The following RTL4 variants were observed in gnomAD, a reference collection of about 807,000 sequenced individuals.
RTL4 encodes retrotransposon Gag like 4, also known as retrotransposon Gag-like protein 4.
In RTL4, 4 loss-of-function variants were observed where a neutral mutation model predicts 5.3. The ratio of observed to expected loss-of-function variants is 0.75; its 90% confidence interval spans 0.37 to 1.72. The LOEUF is 1.72. Among genes scored for constraint, RTL4 ranks in the 40% most tolerant of loss-of-function variants. RTL4 has a pLI of 0.04. For synonymous variants in RTL4, 98 were observed against 87.3 expected (o/e 1.12, Z -0.68); for missense variants, 260 against 227.1 (o/e 1.14, Z -0.93).
chrX:112,365,915 G>A, the RTL4 span, among the ~76,000 whole-genome samples: 1 of 111,422 alleles, frequency 9.0e-6, no homozygotes, highest in African/African-American at 3.3e-5. Context: ...ATGCTTCTGG[G>A]TGGGCTTCTC....
chrX:112,107,583 G>C, the RTL4 span, among the ~76,000 whole-genome samples: 6 of 111,897 alleles, frequency 5.4e-5, no homozygotes, highest in Non-Finnish European at 1.1e-4. Context: ...GCTGGGAACA[G>C]TATTTTTGGT....
At chrX:112,422,289 T>C in the RTL4 span, among the ~76,000 whole-genome samples, 1 of 111,567 alleles carries the variant, frequency 9.0e-6, no homozygotes, top group Non-Finnish European at 1.9e-5. Context: ...TTCTAGGTAC[T>C]CTCTTATTTA....
the RTL4 span, among the ~76,000 whole-genome samples, chrX:112,445,271 C>T: frequency 3.6e-5 from 4 of 112,266 alleles, no homozygotes; most frequent in Non-Finnish European, 7.5e-5. Context: ...GTCCTTCTAA[C>T]AATAGTTCTT....
At chrX:112,149,653 C>G in the RTL4 span, among the ~76,000 whole-genome samples, 22 of 112,168 alleles carry the variant, frequency 2.0e-4, no homozygotes, top group Middle Eastern at 4.2e-3. Context: ...CTCATCATTT[C>G]CTGCTCTTGT....
chrX:112,167,953 A>G, the RTL4 span, among the ~76,000 whole-genome samples: 1 of 110,537 alleles, frequency 9.0e-6, no homozygotes, highest in Non-Finnish European at 1.9e-5. Flanking sequence ...CTTTGTATTT[A>G]TTTCTTTATC....
the RTL4 span, among the ~76,000 whole-genome samples, chrX:112,357,572 A>G: frequency 8.9e-6 from 1 of 112,202 alleles, no homozygotes; most frequent in Non-Finnish European, 1.9e-5. Flanking sequence ...AAAGATCAAA[A>G]CCATGCCCTT....
At chrX:112,174,586 G>C in the RTL4 span, among the ~76,000 whole-genome samples, 2 of 96,614 alleles carry the variant, frequency 2.1e-5, no homozygotes, top group African/African-American at 7.5e-5. Flanking sequence ...TAGTCCTTTG[G>C]GTATATACCC....
the RTL4 span, among the ~76,000 whole-genome samples, chrX:112,214,126 G>A: frequency 3.6e-5 from 4 of 111,576 alleles, no homozygotes; most frequent in African/African-American, 6.5e-5. Context: ...TCTCTAGGAT[G>A]TATTTATCTT....
At chrX:112,450,513 C>A (rs1353772706), upstream of RTL4, among the ~76,000 whole-genome samples, 1 of 111,286 alleles carries the variant, frequency 9.0e-6, no homozygotes, top group East Asian at 2.8e-4. Flanking sequence ...TCCTCTGGGG[C>A]AATACAATAT....
the RTL4 span, among the ~76,000 whole-genome samples, chrX:112,365,374 T>C: frequency 0.015 from 1,662 of 110,817 alleles, 36 homozygotes; most frequent in African/African-American, 0.052. Flanking sequence ...TTATACTTAA[T>C]CTTAAAGGTG....
At chrX:112,129,431 C>T in the RTL4 span, among the ~76,000 whole-genome samples, 1 of 112,060 alleles carries the variant, frequency 8.9e-6, no homozygotes, top group Admixed American at 9.5e-5. Context: ...TAACATCCAA[C>T]ATCTATTTCT....
chrX:112,390,009 C>G, the RTL4 span, among the ~76,000 whole-genome samples: 2 of 96,141 alleles, frequency 2.1e-5, no homozygotes, highest in Non-Finnish European at 4.1e-5. Context: ...GTATTGAAGT[C>G]TCCCACTATT....
At chrX:112,227,429 C>T in the RTL4 span, among the ~76,000 whole-genome samples, 1 of 111,332 alleles carries the variant, frequency 9.0e-6, no homozygotes, top group African/African-American at 3.3e-5. Flanking sequence ...CAGCCAATTC[C>T]AGTCCATCAA....
the RTL4 span, among the ~76,000 whole-genome samples, chrX:112,427,428 G>A: frequency 9.0e-6 from 1 of 110,654 alleles, no homozygotes; most frequent in Non-Finnish European, 1.9e-5. Context: ...ACTAGGAATA[G>A]AGAAAAAAAC....
chrX:112,435,076 C>T, the RTL4 span, among the ~76,000 whole-genome samples: 4 of 111,092 alleles, frequency 3.6e-5, no homozygotes, highest in South Asian at 3.8e-4. Flanking sequence ...GTCATGAGAA[C>T]AGCATGGGGG....
At chrX:112,360,412 G>C in the RTL4 span, among the ~76,000 whole-genome samples, 1 of 111,149 alleles carries the variant, frequency 9.0e-6, no homozygotes, top group Admixed American at 9.6e-5. Context: ...TAAGAGAATA[G>C]AACACAAATA....
At chrX:112,152,990 A>G in the RTL4 span, among the ~76,000 whole-genome samples, 2 of 111,839 alleles carry the variant, frequency 1.8e-5, no homozygotes, top group African/African-American at 6.5e-5. Context: ...TGCTTAATTT[A>G]TAGCCAGGTA....
chrX:112,109,488 G>A, the RTL4 span, among the ~76,000 whole-genome samples: 43 of 111,526 alleles, frequency 3.9e-4, no homozygotes, highest in African/African-American at 1.3e-3. Context: ...CTGCTGATTG[G>A]TCCATTTTAA....
the RTL4 span, among the ~76,000 whole-genome samples, chrX:112,338,222 C>T: frequency 9.0e-6 from 1 of 111,444 alleles, no homozygotes; most frequent in Non-Finnish European, 1.9e-5. Flanking sequence ...TTACTTGCAC[C>T]CAGTTGCCCA....
Sources: allele counts gnomAD v4.1 joint callset (sites outside exome capture counted in the v4.1 genomes callset), GRCh38; gene constraint gnomAD v4.1.1; transcripts MANE v1.5; gene names NCBI Gene and HGNC (gene_info 2026-07-23, HGNC 2026-07-21).